Variants in ARHGAP29 observed in about 807,000 individuals in gnomAD.
The protein encoded by ARHGAP29 is Rho GTPase activating protein 29.
Under a neutral mutation model 122.6 loss-of-function variants are expected in ARHGAP29, and 43 were observed. That is an observed-to-expected ratio of 0.35 (90% CI 0.27 to 0.45). ARHGAP29 has a LOEUF of 0.45. Among genes scored for constraint, ARHGAP29 ranks in the 20% least tolerant of loss-of-function variants. The pLI is 1.00. For missense variants in ARHGAP29, 1,303 were observed against 1,477.2 expected, an observed-to-expected ratio of 0.88 and a Z score of 1.93; for synonymous variants, 506 against 497.1, an observed-to-expected ratio of 1.02 and a Z score of -0.24.
Position 94,211,710 on chromosome 1 carries a change from C to T in ARHGAP29, c.341-2360G>A, listed in dbSNP as rs537993021. On this transcript the variant is annotated intron_variant, in intron 3 of 22. Transcript: ENST00000260526. ...AACAGAAGGATCTCTGGAAAATCTC[C>T]AAATATTTAGAAACTAAATAACACA... 3.3e-5 allele frequency among the ~76,000 whole-genome samples: 5 copies of T among 152,240 alleles called. No individual in the cohort carries two copies. The South Asian group carries it at 1.0e-3, about 32-fold the overall frequency.
At chr1:94,307,094 A>G in the ARHGAP29 span, among the ~76,000 whole-genome samples, 33 of 152,372 alleles carry the variant, frequency 2.2e-4, no homozygotes, top group South Asian at 2.1e-3. Flanking sequence ...ACAAAGAAAT[A>G]AAAGTACCTT....
chr1:94,202,793 T>C, intron 10 of ARHGAP29, 61 bp from the exon 11 acceptor site: 2 of 1,571,786 alleles, frequency 1.3e-6, no homozygotes, highest in South Asian at 1.2e-5. Flanking sequence ...CAAGTGTCTT[T>C]AGCATATTCA....
intron 3 of ARHGAP29, among the ~76,000 whole-genome samples, chr1:94,217,508 G>T (rs1815428): frequency 0.97 from 145,270 of 149,776 alleles, 70,628 homozygotes; most frequent in East Asian, 1. Flanking sequence ...CACTCCAGCC[G>T]GTGTGACAGA....
chr1:94,205,145 T>C lies in ARHGAP29; in HGVS notation c.613A>G (p.Ile205Val), dbSNP rs773573586. ...DNVLLKNTDS[I>V]ELALSYAKTW... ...TTAGCATATGACAAAGCCAGCTCGA[T>C]AGAGTCAGTGTTCTTTAACAGCACG... Residue 205 changes from isoleucine (I) to valine (V), a missense_variant, in exon 7 of 23, where the codon ATC becomes GTC. By Grantham distance (29) the Ile-to-Val change is conservative. Coordinates refer to ENST00000260526, the MANE Select transcript of ARHGAP29 (RefSeq NM_004815.4). 12 of 1,609,532 alleles carry C rather than the reference T, an allele frequency of 7.5e-6. No individual in the cohort carries two copies. Among genetic ancestry groups the C allele is most frequent in the Admixed American group, 6.8e-5 (4 of 59,086 alleles).
In ARHGAP29 at chr1:94,209,981, C is replaced by A. The variant is rs967352257; in HGVS notation, c.341-631G>T. Among the ~76,000 whole-genome samples, 3 of 152,224 alleles carry A rather than the reference C, an allele frequency of 2.0e-5. No individual in the cohort carries two copies. In the South Asian group the frequency reaches 6.2e-4, roughly 32 times the overall value. On this transcript the variant is annotated intron_variant, in intron 3 of 22. Transcript: ENST00000260526. The stretch of plus-strand genomic sequence containing the variant: ...TCCATGTTAATTGACATACAGCTAG[C>A]TGCATTTTGTTTACAATAGAGATAT...
intron 1 of ARHGAP29, among the ~76,000 whole-genome samples, chr1:94,253,574 C>T (rs1444707425): frequency 1.3e-5 from 2 of 152,148 alleles, no homozygotes; most frequent in Non-Finnish European, 2.9e-5. Flanking sequence ...GCTTAACATA[C>T]AACCAGTGAG....
At chr1:94,253,428 A>G (rs1654186425) in intron 1 of ARHGAP29, among the ~76,000 whole-genome samples, 1 of 152,186 alleles carries the variant, frequency 6.6e-6, no homozygotes, top group Non-Finnish European at 1.5e-5. Context: ...ACTTGCCTTG[A>G]TCATTCTTAG....
chr1:94,174,285 G>C lies in ARHGAP29; in HGVS notation c.3370C>G (p.Pro1124Ala). ...ACTGGCTCTGCATATGGCTTACTGG[G>C]TTGAGTGGCATTGATAGAATGGTCC... Reference protein sequence around the residue: ...SGDHSINATQPSKPYAEPVRS... With the variant: ...SGDHSINATQASKPYAEPVRS... The change falls in exon 23 of 23, where the codon CCC becomes GCC. Residue 1124 changes from proline (P) to alanine (A), a missense_variant. Transcript: ENST00000260526. 2 of 1,614,198 alleles carry C rather than the reference G, an allele frequency of 1.2e-6. No homozygotes were observed. Among genetic ancestry groups the C allele is most frequent in the Non-Finnish European group, 1.7e-6 (2 of 1,180,032 alleles).
At chr1:94,221,491 T>C (rs1185354658) in intron 2 of ARHGAP29, among the ~76,000 whole-genome samples, 1 of 151,560 alleles carries the variant, frequency 6.6e-6, no homozygotes, top group Non-Finnish European at 1.5e-5. Context: ...GACCCATGTA[T>C]GTATATACAC....
upstream of ARHGAP29, among the ~76,000 whole-genome samples, chr1:94,279,341 C>A (rs980116380): frequency 6.6e-6 from 1 of 152,150 alleles, no homozygotes; most frequent in Non-Finnish European, 1.5e-5. Context: ...GAATGCCCTG[C>A]CTCTCTTCTC....
At chr1:94,200,618 TC>T (rs1411160808) in intron 12 of ARHGAP29, among the ~76,000 whole-genome samples, 3 of 152,150 alleles carry the variant, frequency 2.0e-5, no homozygotes, top group Non-Finnish European at 2.9e-5. Flanking sequence ...CTATTCATAA[TC>T]ACCCCAAACT....
the ARHGAP29 span, among the ~76,000 whole-genome samples, chr1:94,312,810 C>T: frequency 6.6e-6 from 1 of 151,638 alleles, no homozygotes; most frequent in East Asian, 1.9e-4. Flanking sequence ...ACTTCAATCT[C>T]AGTGACTACC....
At chr1:94,208,061 C>T (rs1053162490) in intron 5 of ARHGAP29, among the ~76,000 whole-genome samples, 1 of 151,986 alleles carries the variant, frequency 6.6e-6, no homozygotes, top group African/African-American at 2.4e-5. Context: ...TGGTCCTGAA[C>T]TCCTGTCCTC....
rs1649176274 is a variant in ARHGAP29 at position 94,177,626 on chromosome 1, T to A, written c.2891A>T (p.Asp964Val). 1 of 1,611,260 alleles carries A rather than the reference T, an allele frequency of 6.2e-7. No homozygotes were observed. The highest frequency in any genetic ancestry group is 1.7e-5 in the Admixed American group (1 of 59,570). The part of the protein sequence containing the change: ...ERKQNALGKC[D>V]ACLSDKAQLL... Reference sequence around the variant, plus strand: ...TGGCTACTCACCACTGAGACATGCATCACATTTTCCTAACGCATTTTGCTT... The same window carrying A: ...TGGCTACTCACCACTGAGACATGCAACACATTTTCCTAACGCATTTTGCTT... The change falls in exon 22 of 23, where the codon GAT becomes GTT. Residue 964 changes from aspartate to valine, a missense_variant. Asp to Val is a radical substitution (Grantham distance 152). This residue lies in a region of ARHGAP29 where 620 missense variants were observed against 651.2 expected (regional missense o/e 0.95). Transcript: ENST00000260526.
intron 1 of ARHGAP29, among the ~76,000 whole-genome samples, chr1:94,250,125 A>G (rs537289136): frequency 6.6e-4 from 101 of 152,278 alleles, no homozygotes; most frequent in Admixed American, 1.1e-3. Flanking sequence ...CCTGAGGTGA[A>G]GGGACTGATC....
Position 94,174,021 on chromosome 1 carries a change from C to G in ARHGAP29, c.3634G>C (p.Ala1212Pro). 6.2e-7 allele frequency: 1 copy of G among 1,614,200 alleles called. No individual in the cohort carries two copies. Among genetic ancestry groups the G allele is most frequent in the Non-Finnish European group, 8.5e-7 (1 of 1,180,032 alleles). The change falls in exon 23 of 23, where the codon GCA (alanine) becomes CCA (proline). Residue 1212 changes from alanine to proline, a missense_variant. Around this residue, in one of 3 missense-constraint regions of ARHGAP29, gnomAD observed 620 missense variants for 651.2 expected, o/e 0.95. Transcript: ENST00000260526. ...VVKSMPDPDK[A>P]SACPGQATGQ... ...GTTGCTTGCCCAGGACAAGCTGATG[C>G]TTTGTCTGGGTCTGGCATTGACTTC...
At chr1:94,219,837 T>C (rs922129668) in intron 3 of ARHGAP29, among the ~76,000 whole-genome samples, 2 of 152,238 alleles carry the variant, frequency 1.3e-5, no homozygotes, top group African/African-American at 4.8e-5. Context: ...TTTCACATTT[T>C]AGATAAGGTC....
At position 94,173,240 on chromosome 1, in the gene ARHGAP29, T is replaced by A. The variant is rs1018401542; in HGVS notation, c.*629A>T. On this transcript the variant is annotated 3_prime_UTR_variant, in exon 23 of 23. Transcript: ENST00000260526. ...TTTCTTTGTACAACTGACTATCACATGTAAAAACTGGCAATTAATTAAAAT... is the reference window on the plus strand; with the variant it reads ...TTTCTTTGTACAACTGACTATCACAAGTAAAAACTGGCAATTAATTAAAAT... 22 of 152,644 alleles carry A rather than the reference T, an allele frequency of 1.4e-4. No individual in the cohort carries two copies. Among genetic ancestry groups the A allele is most frequent in the African/African-American group, 5.3e-4 (22 of 41,462 alleles). The allele number at this position is 152,644 out of a possible 1,614,324, so 9.5% of individuals were successfully genotyped here.
Position 94,231,661 on chromosome 1 carries a change from C to T in ARHGAP29, c.-32-18G>A. 1 of 1,556,498 alleles carries T rather than the reference C, an allele frequency of 6.4e-7. No individual in the cohort carries two copies. The highest frequency in any genetic ancestry group is 1.2e-5 in the South Asian group (1 of 84,210). ...CTGAAATCCTTAAGGGGGCAAGAAA[C>T]AAAACAAAAACAAGCGAGGAGAGAG... is the stretch of plus-strand genomic sequence containing the variant. On this transcript the variant is annotated intron_variant, in intron 1 of 22. Coordinates refer to ENST00000260526, the MANE Select transcript of ARHGAP29 (RefSeq NM_004815.4).
Sources: allele counts gnomAD v4.1 joint callset (sites outside exome capture counted in the v4.1 genomes callset), GRCh38; gene constraint gnomAD v4.1.1; regional missense constraint gnomAD v4.1.1; transcripts MANE v1.5; gene names NCBI Gene and HGNC (gene_info 2026-07-23, HGNC 2026-07-21).